Variants in KNTC1 observed in about 807,000 individuals in gnomAD.
KNTC1 encodes the protein kinetochore-associated protein 1.
A neutral mutation model predicts 314.4 loss-of-function variants in KNTC1; 253 were observed. That is an observed-to-expected ratio of 0.80 (90% confidence interval 0.73 to 0.89). KNTC1 has a LOEUF of 0.89. Among genes scored for constraint, KNTC1 ranks in the 40% least tolerant of loss-of-function variants. The pLI is 0.00. For missense variants in KNTC1, 2,475 were observed against 2,572.9 expected, an observed-to-expected ratio of 0.96 and a Z score of 0.82; for synonymous variants, 901 against 901.4, an observed-to-expected ratio of 1.00 and a Z score of 0.01.
At chr12:122,533,097 G>A (rs963461075) in intron 2 of KNTC1, among the ~76,000 whole-genome samples, 2 of 151,166 alleles carry the variant, frequency 1.3e-5, no homozygotes, top group African/African-American at 4.8e-5. Context: ...TTAAGAAGGA[G>A]AACAGTCTAG....
rs1049120679 is a variant in KNTC1 at position 122,539,741 on chromosome 12, T to C, written c.432T>C (p.Asp144=). ...ACCAGAATCTTGTCATTGAGAAGGA[T>C]GGTTCAAATGAAGGTAAGTTTTCCT... The part of the protein sequence containing the change: ...RTYQNLVIEK[D]GSNEGTYYML... The change falls in exon 5 of 64, where the codon GAT becomes GAC. Residue 144 remains aspartate (D), a synonymous_variant. Coordinates refer to ENST00000333479, the MANE Select transcript of KNTC1 (RefSeq NM_014708.6). 15 of 1,556,120 alleles carry C rather than the reference T, an allele frequency of 9.6e-6. No homozygotes were observed. Among genetic ancestry groups the C allele is most frequent in the Non-Finnish European group, 1.3e-5 (15 of 1,152,048 alleles).
At chr12:122,568,219 T>TA in intron 20 of KNTC1, 42 bp from the exon 21 acceptor site, 3 of 953,368 alleles carry the variant, frequency 3.1e-6, no homozygotes, top group Non-Finnish European at 5.0e-6. Flanking sequence ...ATAACCTTAA[T>TA]TTTTTTTAAA....
intron 47 of KNTC1, 40 bp downstream of exon 47, chr12:122,602,927 C>T (rs1325054377): frequency 7.1e-6 from 11 of 1,552,722 alleles, no homozygotes; most frequent in Non-Finnish European, 9.8e-6. Flanking sequence ...CTGTATCCTG[C>T]AATTAATTCT....
Position 122,594,252 on chromosome 12 carries a change from T to G in KNTC1, c.4246-24T>G, listed in dbSNP as rs1415417275. ...TTTCAGTGTAGAGGGTTTTTTTGCT[T>G]TGTTTTTTTCTTTTTATTTCTAGAT... On this transcript the variant is annotated intron_variant, in intron 42 of 63. Transcript: ENST00000333479. 9 of 1,382,788 alleles carry G rather than the reference T, an allele frequency of 6.5e-6. No homozygotes were observed. The South Asian group carries it at 1.1e-4, about 16-fold the overall frequency. The allele number at this position is 1,382,788 out of a possible 1,614,324, so 85.7% of individuals were successfully genotyped here. A position where few individuals can be genotyped will look rare whatever the true frequency, so the allele number is the denominator to read the frequency against.
chr12:122,569,101 C>T (rs1964522800), intron 21 of KNTC1, among the ~76,000 whole-genome samples: 1 of 152,086 alleles, frequency 6.6e-6, no homozygotes, highest in African/African-American at 2.4e-5. Flanking sequence ...ATAATCTGTA[C>T]AACAAACCCC....
At chr12:122,587,943 T>C in intron 39 of KNTC1, 69 bp downstream of exon 39, 1 of 1,327,592 alleles carries the variant, frequency 7.5e-7, no homozygotes, top group Non-Finnish European at 1.0e-6. Flanking sequence ...CAGAGGAATT[T>C]GGAGTCCACG....
intron 27 of KNTC1, 78 bp downstream of exon 27, chr12:122,574,458 C>T (rs541581703): frequency 4.7e-5 from 40 of 855,572 alleles, no homozygotes; most frequent in South Asian, 3.8e-4. Flanking sequence ...TTCATAAAAG[C>T]GACATATATT....
At chr12:122,622,437 C>T (rs1371334056) in intron 61 of KNTC1, 25 bp from the exon 62 acceptor site, 2 of 1,506,258 alleles carry the variant, frequency 1.3e-6, no homozygotes, top group East Asian at 2.3e-5. Flanking sequence ...GAAGTCTGAT[C>T]TTAATGATAC....
intron 60 of KNTC1, among the ~76,000 whole-genome samples, 196 bp downstream of exon 60, chr12:122,620,804 C>T (rs1204974510): frequency 6.6e-6 from 1 of 152,148 alleles, no homozygotes; most frequent in African/African-American, 2.4e-5. Flanking sequence ...GGCTGTCTTA[C>T]AAGGGGTTTG....
At chr12:122,538,192 C>G (rs549547384) in intron 3 of KNTC1, 147 bp from the exon 4 acceptor site, 2 of 585,634 alleles carry the variant, frequency 3.4e-6, no homozygotes, top group East Asian at 2.8e-5. Flanking sequence ...CAACAACATT[C>G]TTTTTTACTT....
At chr12:122,606,296 C>G (rs1417011372) in intron 51 of KNTC1, among the ~76,000 whole-genome samples, 1 of 142,870 alleles carries the variant, frequency 7.0e-6, no homozygotes, top group Non-Finnish European at 1.5e-5. Context: ...GGCGTGATCT[C>G]AGCAACCTCT....
rs780110288 is a variant in KNTC1 at position 122,613,183 on chromosome 12, C to T, written c.5694C>T (p.Asp1898=). The T allele has an allele frequency of 5.6e-6, 9 of 1,612,538 alleles. No individual in the cohort carries two copies. In the East Asian group the frequency reaches 8.9e-5, roughly 16 times the overall value. ...RALQCLFYLA[D]KETIESLFKK... ...TTCAGTGTCTCTTCTATTTGGCTGA[C>T]AAGGAAACTATAGAATCTCTCTTTA... Residue 1898 remains aspartate, a synonymous_variant, in exon 54 of 64, where the codon GAC becomes GAT. Transcript: ENST00000333479.
chr12:122,577,523 A>G, intron 30 of KNTC1, 149 bp from the exon 31 acceptor site: 1 of 843,240 alleles, frequency 1.2e-6, no homozygotes, highest in East Asian at 2.9e-5. Context: ...ATAAAATAAA[A>G]ATGGATTTTC....
Position 122,557,591 on chromosome 12 carries a change from G to C in KNTC1, c.1399-9G>C. On this transcript the variant is annotated splice_polypyrimidine_tract_variant and intron_variant, in intron 17 of 63. Coordinates refer to ENST00000333479, the MANE Select transcript of KNTC1 (RefSeq NM_014708.6). ...GGTTGCCTTACTGTGTCTGGCATTT[G>C]TGAAACAGGATGATGAATTTGTGGT... 1.2e-6 allele frequency: 2 copies of C among 1,612,900 alleles called. No homozygotes were observed. Among genetic ancestry groups the C allele is most frequent in the Non-Finnish European group, 1.7e-6 (2 of 1,179,334 alleles).
chr12:122,566,713 T>A (rs1441510177), intron 20 of KNTC1, among the ~76,000 whole-genome samples: 1 of 151,714 alleles, frequency 6.6e-6, no homozygotes, highest in Non-Finnish European at 1.5e-5. Context: ...CCAGCCAACT[T>A]TTATATTTTT....
intron 50 of KNTC1, 63 bp from the exon 51 acceptor site, chr12:122,605,243 A>G (rs1872462559): frequency 1.7e-6 from 2 of 1,155,808 alleles, no homozygotes; most frequent in Non-Finnish European, 2.5e-6. Flanking sequence ...ACATACACAT[A>G]TAAGTATTCA....
At chr12:122,544,137 G>T in intron 7 of KNTC1, 22 bp from the exon 8 acceptor site, 1 of 992,000 alleles carries the variant, frequency 1.0e-6, no homozygotes, top group African/African-American at 1.7e-5. Flanking sequence ...TATATATGAC[G>T]TTGTTGTTTT....
At chr12:122,554,076 A>AATAT (rs60404988) in intron 16 of KNTC1, among the ~76,000 whole-genome samples, 4,251 of 108,910 alleles carry the variant, frequency 0.039, 124 homozygotes, top group East Asian at 0.096. Flanking sequence ...AAAAAAAAAA[A>AATAT]ATATATATAT....
At chr12:122,556,161 C>T (rs1028624074) in intron 16 of KNTC1, among the ~76,000 whole-genome samples, 4 of 151,942 alleles carry the variant, frequency 2.6e-5, no homozygotes, top group Non-Finnish European at 5.9e-5. Flanking sequence ...GGATTACAGA[C>T]GCGCACCACC....
Sources: allele counts gnomAD v4.1 joint callset (sites outside exome capture counted in the v4.1 genomes callset), GRCh38; gene constraint gnomAD v4.1.1; transcripts MANE v1.5; gene names NCBI Gene and HGNC (gene_info 2026-07-23, HGNC 2026-07-21).